Variants in PHIP observed in about 807,000 individuals in gnomAD.
The protein encoded by PHIP is PHIP subunit of CUL4-Ring ligase complex.
PHIP carries 54 observed loss-of-function variants against 236.8 expected under a neutral mutation model. The observed-to-expected ratio is 0.23, with a 90% CI of 0.18 to 0.29. The LOEUF is 0.29. Ranked by LOEUF, PHIP falls within the 10% of genes least tolerant of loss-of-function variation. PHIP has a pLI of 1.00. For synonymous variants in PHIP, 756 were observed against 718.9 expected (o/e 1.05, Z -0.83); for missense variants, 1,370 against 2,190.8 (o/e 0.63, Z 7.48).
At chr6:79,017,412 A>C (rs1449236590) in intron 11 of PHIP, 26 bp from the exon 12 acceptor site, 2 of 1,589,566 alleles carry the variant, frequency 1.3e-6, no homozygotes, top group South Asian at 2.3e-5. Flanking sequence ...TAAACAAAAA[A>C]GTGGGTGCTG....
intron 27 of PHIP, among the ~76,000 whole-genome samples, chr6:78,969,249 A>G (rs1350981682): frequency 6.6e-6 from 1 of 152,220 alleles, no homozygotes; most frequent in Non-Finnish European, 1.5e-5. Flanking sequence ...AGACTGGTAT[A>G]TCAATTGATG....
chr6:78,993,972 A>G (rs1403317776), intron 19 of PHIP, among the ~76,000 whole-genome samples: 1 of 152,252 alleles, frequency 6.6e-6, no homozygotes, highest in African/African-American at 2.4e-5. Flanking sequence ...CATTAAGAAC[A>G]TTTATGATTC....
chr6:79,014,039 T>C (rs9359362), intron 15 of PHIP, among the ~76,000 whole-genome samples: 50,593 of 136,242 alleles, frequency 0.37, 9,830 homozygotes, highest in East Asian at 0.72. Flanking sequence ...ACCAAATAAT[T>C]AACACTGTTT....
chr6:79,060,482 G>A lies in PHIP; in HGVS notation c.435C>T (p.Ser145=). Reference sequence around the variant, plus strand: ...TAGTGAACTCAAACAACTCACCAATGCTGGGTGGGCTACCATAGTTAACTG... The same window carrying A: ...TAGTGAACTCAAACAACTCACCAATACTGGGTGGGCTACCATAGTTAACTG... ...ESPVNYGSPP[S]IADTLFSRKL... Residue 145 remains serine, a synonymous_variant, in exon 6 of 40, where the codon AGC becomes AGT. Transcript: ENST00000275034. 1 of 1,610,146 alleles carries A rather than the reference G, an allele frequency of 6.2e-7. No individual in the cohort carries two copies. The highest frequency in any genetic ancestry group is 8.5e-7 in the Non-Finnish European group (1 of 1,177,368).
Position 78,970,132 on chromosome 6 carries a change from C to T in PHIP, c.3039G>A (p.Val1013=). ...TAAGGCAGCAAAGGGTAGGTAATCC[C>T]ACTTCATACTTTATGCCAACTATTT... The part of the protein sequence containing the change: ...LMKIVGIKYE[V]GLPTLCCLKL... The change falls in exon 26 of 40, where the codon GTG becomes GTA. Residue 1013 remains valine (V), a synonymous_variant. Transcript: ENST00000275034. 1 of 1,611,660 alleles carries T rather than the reference C, an allele frequency of 6.2e-7. No individual in the cohort carries two copies. The highest frequency in any genetic ancestry group is 8.5e-7 in the Non-Finnish European group (1 of 1,177,974).
At chr6:79,054,476 A>C (rs1772969771) in intron 6 of PHIP, among the ~76,000 whole-genome samples, 1 of 151,720 alleles carries the variant, frequency 6.6e-6, no homozygotes, top group South Asian at 2.1e-4. Flanking sequence ...ATAAGTGATG[A>C]GTAGATATCT....
intron 19 of PHIP, 118 bp from the exon 20 acceptor site, chr6:78,991,103 C>A (rs1276348431): frequency 9.3e-6 from 6 of 643,482 alleles, no homozygotes; most frequent in South Asian, 2.0e-5. Flanking sequence ...AAGATGGAAG[C>A]ATGTGATAAA....
intron 7 of PHIP, among the ~76,000 whole-genome samples, chr6:79,040,633 G>A (rs542513713): frequency 4.6e-5 from 7 of 152,040 alleles, no homozygotes; most frequent in African/African-American, 1.2e-4. Context: ...TGTGCCTAGT[G>A]AAATGCAAAA....
intron 9 of PHIP, among the ~76,000 whole-genome samples, chr6:79,025,198 A>G (rs958910240): frequency 6.6e-6 from 1 of 152,164 alleles, no homozygotes; most frequent in Non-Finnish European, 1.5e-5. Context: ...AATTCTTAAG[A>G]TTAAGTTCTG....
chr6:79,027,560 TATAAGA>T (rs1199845786), intron 7 of PHIP, among the ~76,000 whole-genome samples: 1 of 152,160 alleles, frequency 6.6e-6, no homozygotes, highest in Non-Finnish European at 1.5e-5. Flanking sequence ...CCACTAAAGA[TATAAGA>T]ATGAGATATA....
intron 24 of PHIP, among the ~76,000 whole-genome samples, chr6:78,974,650 A>G (rs1767906028): frequency 6.6e-6 from 1 of 152,230 alleles, no homozygotes; most frequent in Non-Finnish European, 1.5e-5. Context: ...AAAGAAAAAA[A>G]GAAGAATCAA....
At position 78,937,495 on chromosome 6, in the gene PHIP, C is replaced by A. The variant is rs1773319707; in HGVS notation, c.*3198G>T. On this transcript the variant is annotated 3_prime_UTR_variant, in exon 40 of 40. Transcript: ENST00000275034. ...AAGATATTTTCTCTGATTACTGTAT[C>A]TTATGTAATTCATTTCCAAGTGATA... 1 of 151,674 alleles carries A rather than the reference C, an allele frequency of 6.6e-6. No individual in the cohort carries two copies. Among genetic ancestry groups the A allele is most frequent in the African/African-American group, 2.4e-5 (1 of 41,390 alleles). The allele number at this position is 151,674 out of a possible 1,614,324, so 9.4% of individuals were successfully genotyped here.
intron 35 of PHIP, among the ~76,000 whole-genome samples, chr6:78,949,210 A>C (rs772577189): frequency 2.0e-5 from 3 of 152,074 alleles, no homozygotes; most frequent in Non-Finnish European, 4.4e-5. Flanking sequence ...TTAATGTCTC[A>C]CTTCTTCAGA....
chr6:79,044,651 T>C (rs112720278), intron 6 of PHIP, among the ~76,000 whole-genome samples: 1 of 152,284 alleles, frequency 6.6e-6, no homozygotes, highest in African/African-American at 2.4e-5. Flanking sequence ...AGGTGTACTT[T>C]AATTCCCTCT....
intron 24 of PHIP, among the ~76,000 whole-genome samples, chr6:78,973,885 A>C (rs773139850): frequency 5.3e-5 from 8 of 151,752 alleles, no homozygotes; most frequent in African/African-American, 1.7e-4. Context: ...GCAAGTCTTG[A>C]GTGACCTACA....
At chr6:78,972,238 TA>T (rs1383895554) in intron 24 of PHIP, among the ~76,000 whole-genome samples, 1 of 152,154 alleles carries the variant, frequency 6.6e-6, no homozygotes, top group Non-Finnish European at 1.5e-5. Flanking sequence ...CTGAGCAGCC[TA>T]ACTGGGAGGC....
intron 16 of PHIP, among the ~76,000 whole-genome samples, chr6:79,002,474 CTG>C (rs1770053160): frequency 6.6e-6 from 1 of 152,050 alleles, no homozygotes; most frequent in Non-Finnish European, 1.5e-5. Context: ...ATAAGTTTAA[CTG>C]TGCACTGTTC....
At chr6:79,054,867 G>A (rs1050209734) in intron 6 of PHIP, among the ~76,000 whole-genome samples, 5 of 151,860 alleles carry the variant, frequency 3.3e-5, no homozygotes, top group African/African-American at 4.8e-5. Context: ...CTAGCTTTAA[G>A]TGACTGTTTG....
intron 22 of PHIP, among the ~76,000 whole-genome samples, chr6:78,984,789 T>C (rs1215300355): frequency 1.3e-5 from 2 of 152,158 alleles, no homozygotes; most frequent in Non-Finnish European, 2.9e-5. Context: ...AGGTGGGGGA[T>C]AAGTGTAGCA....
Sources: gnomAD v4.1 joint callset for allele counts (sites outside exome capture counted in the v4.1 genomes callset) on GRCh38, gnomAD v4.1.1 for gene constraint, MANE v1.5 for transcripts, NCBI Gene and HGNC (gene_info 2026-07-23, HGNC 2026-07-21) for gene names.